The following SMG6 variants were observed in gnomAD, a reference collection of about 807,000 sequenced individuals.
SMG6 encodes telomerase-binding protein EST1A.
In SMG6, 66 loss-of-function variants were observed where a neutral mutation model predicts 142.2. The observed-to-expected ratio is 0.46, with a 90% CI of 0.38 to 0.57. The LOEUF (loss-of-function observed/expected upper bound fraction) is 0.57. Ranked by LOEUF, SMG6 falls within the 20% of genes least tolerant of loss-of-function variation. The probability of loss-of-function intolerance (pLI) is 0.00; values close to 1 mark genes in which losing one functional copy is unlikely to be tolerated. For missense variants in SMG6, 1,793 were observed against 1,832.0 expected, an observed-to-expected ratio of 0.98 and a Z score of 0.39; for synonymous variants, 779 against 702.4, an observed-to-expected ratio of 1.11 and a Z score of -1.72.
intron 9 of SMG6, among the ~76,000 whole-genome samples, chr17:2,238,722 A>C (rs965598133): frequency 3.3e-5 from 5 of 152,192 alleles, no homozygotes; most frequent in African/African-American, 1.2e-4. Flanking sequence ...TCTTCCCTGG[A>C]GTAGGAATTG....
chr17:2,067,634 G>C (rs1478129851), intron 16 of SMG6, among the ~76,000 whole-genome samples: 4 of 152,164 alleles, frequency 2.6e-5, no homozygotes, highest in African/African-American at 9.7e-5. Context: ...CTAAGGGCCT[G>C]GATTTAAGAG....
At chr17:2,280,547 G>A (rs1302216696) in intron 8 of SMG6, 3 of 976,526 alleles carry the variant, frequency 3.1e-6, no homozygotes, top group Non-Finnish European at 3.7e-6. Flanking sequence ...ACAGGCGTAA[G>A]CCACCGCGTC....
intron 10 of SMG6, among the ~76,000 whole-genome samples, chr17:2,219,699 G>A (rs1386600971): frequency 1.3e-5 from 2 of 151,464 alleles, no homozygotes; most frequent in African/African-American, 2.4e-5. Flanking sequence ...TGAGATGGGA[G>A]GACTGCTTGA....
rs547223272 is a variant in SMG6 at position 2,280,514 on chromosome 17, C to T, written c.2661+2133G>A. 28 of 764,198 alleles carry T rather than the reference C, an allele frequency of 3.7e-5. No individual in the cohort carries two copies. In the East Asian group the frequency reaches 6.4e-4, roughly 18 times the overall value. 47.3% of individuals were successfully genotyped at this position (764,198 alleles called of 1,614,324 possible). The stretch of plus-strand genomic sequence containing the variant: ...TCCTGACCTTGTGATCTGCTCGCCT[C>T]GGCCTCCTAAAGTGCTGGGATTACA... On this transcript the variant is annotated intron_variant, in intron 8 of 18. Transcript: ENST00000263073.
chr17:2,112,753 A>G (rs1168385634), intron 13 of SMG6, among the ~76,000 whole-genome samples: 1 of 150,566 alleles, frequency 6.6e-6, no homozygotes, highest in Non-Finnish European at 1.5e-5. Context: ...ATGAGCTCCA[A>G]ACTTTTTTTT....
intron 6 of SMG6, among the ~76,000 whole-genome samples, chr17:2,289,302 T>C (rs1161418834): frequency 6.6e-6 from 1 of 151,908 alleles, no homozygotes; most frequent in Non-Finnish European, 1.5e-5. Flanking sequence ...ATGCCTGTAA[T>C]CTCAGCAGTT....
chr17:2,178,001 G>C (rs563278557), intron 12 of SMG6, among the ~76,000 whole-genome samples: 1 of 152,336 alleles, frequency 6.6e-6, no homozygotes, highest in Admixed American at 6.5e-5. Flanking sequence ...CACTCCACTG[G>C]AGAAAACTGC....
chr17:2,111,555 G>A (rs3760232), intron 13 of SMG6, among the ~76,000 whole-genome samples: 46,774 of 151,960 alleles, frequency 0.31, 8,883 homozygotes, highest in African/African-American at 0.54. Flanking sequence ...GGGACCACAG[G>A]CGCCTGCCAC....
intron 10 of SMG6, among the ~76,000 whole-genome samples, chr17:2,222,732 A>G (rs1426693221): frequency 6.6e-6 from 1 of 151,986 alleles, no homozygotes; most frequent in Non-Finnish European, 1.5e-5. Flanking sequence ...ACAAAAAGAG[A>G]CCACTTAGGA....
intron 13 of SMG6, among the ~76,000 whole-genome samples, chr17:2,135,292 T>G (rs2070257966): frequency 6.6e-6 from 1 of 152,258 alleles, no homozygotes; most frequent in Admixed American, 6.5e-5. Flanking sequence ...ATGTAACACA[T>G]TCGTCATCTC....
chr17:2,126,929 T>TGCACACATGC lies in SMG6; in HGVS notation c.3358-41038_3358-41029dup, dbSNP rs755044130. Reference sequence around the variant, plus strand: ...ACATGCACACAGACACAAACATACATGCACACATGCGCACACATGCACACA... The same window carrying TGCACACATGC: ...ACATGCACACAGACACAAACATACATGCACACATGCGCACACATGCGCACACATGCACACA... On this transcript the variant is annotated intron_variant, in intron 13 of 18. Coordinates refer to ENST00000263073, the MANE Select transcript of SMG6 (RefSeq NM_017575.5). Among the ~76,000 whole-genome samples the TGCACACATGC allele has an allele frequency of 3.9e-4, 58 of 148,258 alleles. 1 individual carries two copies. Among genetic ancestry groups the TGCACACATGC allele is most frequent in the Non-Finnish European group, 8.0e-4 (54 of 67,092 alleles).
At chr17:2,138,976 T>C (rs1404435715) in intron 13 of SMG6, among the ~76,000 whole-genome samples, 2 of 152,212 alleles carry the variant, frequency 1.3e-5, no homozygotes, top group East Asian at 1.9e-4. Context: ...TCTAACTCTG[T>C]TCTCCATTCC....
At chr17:2,249,160 T>TG (rs1267333332) in intron 8 of SMG6, among the ~76,000 whole-genome samples, 3 of 152,142 alleles carry the variant, frequency 2.0e-5, no homozygotes, top group African/African-American at 7.2e-5. Context: ...CCCAAAGTGC[T>TG]GGGATTACAG....
chr17:2,229,532 A>T (rs2073411774), intron 10 of SMG6: 1 of 152,046 alleles, frequency 6.6e-6, no homozygotes, highest in African/African-American at 2.4e-5. Context: ...TTCTGATATG[A>T]TTTTCCTCAT....
intron 13 of SMG6, among the ~76,000 whole-genome samples, chr17:2,109,386 C>T (rs982966294): frequency 6.6e-6 from 1 of 152,216 alleles, no homozygotes; most frequent in Non-Finnish European, 1.5e-5. Flanking sequence ...GCCTCAGCCT[C>T]GTAAGTAGCT....
rs1453244619 is a variant in SMG6, at chr17:2,300,645, C to A, written c.108G>T (p.Lys36Asn). The change falls in exon 2 of 19, where the codon AAG becomes AAT. Residue 36 changes from lysine to asparagine, a missense_variant. Physicochemically the swap from Lys to Asn is moderately conservative, Grantham distance 94. Transcript: ENST00000263073. The stretch of plus-strand genomic sequence containing the variant: ...TGTTATCTTTGCGCGGCCTGGCCTC[C>A]TTTAATTCCTTCATGTTTTCTGTTA... ...AGSRENMKEL[K>N]EARPRKDNRR... is the part of the protein sequence containing the mutation. The A allele has an allele frequency of 3.2e-6, 5 of 1,586,188 alleles. No homozygotes were observed. Among genetic ancestry groups the A allele is most frequent in the Non-Finnish European group, 4.3e-6 (5 of 1,169,792 alleles).
At chr17:2,254,522 A>G (rs2074120249) in intron 8 of SMG6, among the ~76,000 whole-genome samples, 1 of 152,000 alleles carries the variant, frequency 6.6e-6, no homozygotes, top group Non-Finnish European at 1.5e-5. Context: ...TTTAGTAGAG[A>G]CGGGGTTTTG....
Position 2,065,092 on chromosome 17 carries a change from G to C in SMG6, c.4110C>G (p.Asp1370Glu). Residue 1370 changes from aspartate (D) to glutamate (E), a missense_variant, in exon 18 of 19, where the codon GAC becomes GAG. Physicochemically the swap from Asp to Glu is conservative, Grantham distance 45. Transcript: ENST00000263073. ...CTGTACCTTTGCTGGCGGGCATGAA[G>C]TCCTTAGCCTTGTCTTTGCAGTAGT... The part of the protein sequence containing the change: ...CLHYCKDKAK[D>E]FMPASKEEPI... 1 of 1,613,872 alleles carries C rather than the reference G, an allele frequency of 6.2e-7. No individual in the cohort carries two copies. The highest frequency in any genetic ancestry group is 8.5e-7 in the Non-Finnish European group (1 of 1,179,830).
intron 12 of SMG6, among the ~76,000 whole-genome samples, chr17:2,185,554 CCAGA>C (rs57243031): frequency 0.37 from 56,148 of 151,540 alleles, 10,967 homozygotes; most frequent in African/African-American, 0.5. Context: ...GTAAATACAC[CCAGA>C]CAGACACACA....
Sources: gnomAD v4.1 joint callset for allele counts (sites outside exome capture counted in the v4.1 genomes callset) on GRCh38, gnomAD v4.1.1 for gene constraint, MANE v1.5 for transcripts, NCBI Gene and HGNC (gene_info 2026-07-23, HGNC 2026-07-21) for gene names.